Variants in CADPS observed in about 807,000 individuals in gnomAD.
The protein encoded by CADPS is calcium-dependent secretion activator 1.
In CADPS, 57 loss-of-function variants were observed where a neutral mutation model predicts 167.3. That is an observed-to-expected ratio of 0.34 (90% CI 0.28 to 0.42). The LOEUF is 0.42. Among genes scored for constraint, CADPS ranks in the 20% least tolerant of loss-of-function variants. CADPS has a pLI of 1.00. For missense variants in CADPS, 1,414 were observed against 1,738.1 expected (o/e 0.81, Z 3.32); for synonymous variants, 676 against 635.3 (o/e 1.06, Z -0.96).
chr3:62,592,475 T>C (rs561530505), intron 7 of CADPS, among the ~76,000 whole-genome samples, 162 bp downstream of exon 7: 1 of 152,276 alleles, frequency 6.6e-6, no homozygotes, highest in South Asian at 2.1e-4. Context: ...TTGAGGAACT[T>C]GCTTAAGGTC....
At chr3:62,806,877 G>T (rs1469521279) in intron 1 of CADPS, among the ~76,000 whole-genome samples, 1 of 152,144 alleles carries the variant, frequency 6.6e-6, no homozygotes, top group African/African-American at 2.4e-5. Flanking sequence ...CTCAGGCAAG[G>T]AATCTGCAAC....
chr3:62,655,974 C>G (rs1180869509), intron 4 of CADPS, among the ~76,000 whole-genome samples: 1 of 152,076 alleles, frequency 6.6e-6, no homozygotes, highest in East Asian at 1.9e-4. Flanking sequence ...AGGAACTCAT[C>G]CAGTCCATGA....
rs530690647 is a variant in CADPS at position 62,442,378 on chromosome 3, C to T, written c.3669+3387G>A. On this transcript the variant is annotated intron_variant, in intron 27 of 29. Coordinates refer to ENST00000383710, the MANE Select transcript of CADPS (RefSeq NM_003716.4). ...GATTACAGGTGCACGCCACCACACC[C>T]GGCTAATATTTTGTATTTTTAGTAG... 9.9e-5 allele frequency among the ~76,000 whole-genome samples: 15 copies of T among 152,112 alleles called. No homozygotes were observed. The East Asian group carries it at 2.3e-3, about 24-fold the overall frequency.
chr3:62,841,111 A>C (rs1266700067), intron 1 of CADPS, among the ~76,000 whole-genome samples: 1 of 152,162 alleles, frequency 6.6e-6, no homozygotes, highest in Non-Finnish European at 1.5e-5. Flanking sequence ...AACACGTTTT[A>C]TTCTTTAACA....
chr3:62,760,595 CCT>C (rs2085159549), intron 2 of CADPS, among the ~76,000 whole-genome samples: 1 of 152,084 alleles, frequency 6.6e-6, no homozygotes, highest in Non-Finnish European at 1.5e-5. Flanking sequence ...CCTGCCACCT[CCT>C]GCCTCCTCCT....
At chr3:62,706,190 T>C (rs2082278403) in intron 3 of CADPS, among the ~76,000 whole-genome samples, 1 of 152,152 alleles carries the variant, frequency 6.6e-6, no homozygotes, top group Non-Finnish European at 1.5e-5. Flanking sequence ...AGATAAAGAC[T>C]TGAATGGCAC....
intron 22 of CADPS, among the ~76,000 whole-genome samples, chr3:62,480,038 T>C (rs998838608): frequency 3.3e-5 from 5 of 150,562 alleles, no homozygotes; most frequent in African/African-American, 1.3e-4. Flanking sequence ...GGTTTCAGAG[T>C]TTCAAAAAAT....
intron 17 of CADPS, among the ~76,000 whole-genome samples, chr3:62,502,081 A>T (rs922799443): frequency 1.1e-4 from 16 of 152,208 alleles, no homozygotes; most frequent in Admixed American, 6.5e-5. Flanking sequence ...ATTTACTATT[A>T]ATTAGCTGTG....
chr3:62,729,232 C>T (rs2077296165), intron 3 of CADPS, among the ~76,000 whole-genome samples: 1 of 151,858 alleles, frequency 6.6e-6, no homozygotes, highest in African/African-American at 2.4e-5. Flanking sequence ...TGTTTGCAGA[C>T]AGATTTTACT....
Position 62,712,831 on chromosome 3 carries a change from T to C in CADPS, c.888+40610A>G, listed in dbSNP as rs537990962. The stretch of plus-strand genomic sequence containing the variant: ...TGAGACTTTGACAACTGGTCATAAA[T>C]TGTGCTCTAGGGCAGTCCTCTGACT... On this transcript the variant is annotated intron_variant, in intron 3 of 29. Coordinates refer to ENST00000383710, the MANE Select transcript of CADPS (RefSeq NM_003716.4). 1.8e-4 allele frequency among the ~76,000 whole-genome samples: 27 copies of C among 152,320 alleles called. 1 individual carries two copies. The highest frequency in any genetic ancestry group is 6.0e-4 in the African/African-American group (25 of 41,578).
chr3:62,570,936 T>G lies in CADPS; in HGVS notation c.1580A>C (p.Tyr527Ser). ...GACATTCTTACCGATGGCCCATAAA[T>G]ACCTAAGGGAAAGGAGAAAGACCAG... is the stretch of plus-strand genomic sequence containing the variant. ...DKPQNMKHSG[Y>S]LWAIGKNVWK... Residue 527 changes from tyrosine (Y) to serine (S), a missense_variant and splice_region_variant, in exon 9 of 30, where the codon TAT (tyrosine) becomes TCT (serine). By Grantham distance (144) the Tyr-to-Ser change is moderately radical (BLOSUM62 -2). Transcript: ENST00000383710. 6.3e-7 allele frequency: 1 copy of G among 1,597,716 alleles called. No homozygotes were observed. The highest frequency in any genetic ancestry group is 8.6e-7 in the Non-Finnish European group (1 of 1,164,894).
intron 6 of CADPS, among the ~76,000 whole-genome samples, chr3:62,605,456 C>CT (rs2060570283): frequency 6.6e-6 from 1 of 152,200 alleles, no homozygotes; most frequent in Non-Finnish European, 1.5e-5. Flanking sequence ...GTCTTCATGT[C>CT]TGTAAAGTGG....
At chr3:62,836,130 T>C (rs1306213934) in intron 1 of CADPS, among the ~76,000 whole-genome samples, 1 of 152,226 alleles carries the variant, frequency 6.6e-6, no homozygotes, top group Non-Finnish European at 1.5e-5. Flanking sequence ...CCCTTACTGA[T>C]GCCTGGGCTT....
At chr3:62,823,741 G>A (rs1480847173) in intron 1 of CADPS, among the ~76,000 whole-genome samples, 6 of 152,114 alleles carry the variant, frequency 3.9e-5, no homozygotes, top group African/African-American at 1.4e-4. Context: ...CACTGAATGA[G>A]GTAAGCCTTA....
chr3:62,648,424 ACAATC>A (rs1042233676), intron 5 of CADPS, among the ~76,000 whole-genome samples: 2 of 152,080 alleles, frequency 1.3e-5, no homozygotes, highest in African/African-American at 4.8e-5. Context: ...GTGCACATCT[ACAATC>A]CCAGCATTTT....
At chr3:62,864,657 A>G (rs1465265158) in intron 1 of CADPS, among the ~76,000 whole-genome samples, 3 of 152,174 alleles carry the variant, frequency 2.0e-5, no homozygotes, top group African/African-American at 7.2e-5. Flanking sequence ...TTATAAGGAC[A>G]TCAGTCATAA....
chr3:62,562,235 G>A (rs772198092), intron 9 of CADPS, among the ~76,000 whole-genome samples: 5 of 152,148 alleles, frequency 3.3e-5, no homozygotes, highest in African/African-American at 4.8e-5. Context: ...GGAGACTAAG[G>A]ACTATTTTTA....
rs146831679 is a variant in CADPS, at chr3:62,602,817, C to T, written c.1326-10069G>A. 2.0e-3 allele frequency among the ~76,000 whole-genome samples: 300 copies of T among 152,286 alleles called. 1 individual carries two copies. Among genetic ancestry groups the T allele is most frequent in the Middle Eastern group, 3.4e-3 (1 of 294 alleles). On this transcript the variant is annotated intron_variant, in intron 6 of 29. Coordinates refer to ENST00000383710, the MANE Select transcript of CADPS (RefSeq NM_003716.4). The surrounding 1 kb of genome is among the most constrained non-coding windows in gnomAD (Gnocchi z 4.4). ...AACCTCAGCTTGATCTCTTCTCCCT[C>T]ACATCTGTTCCTCTAAGGCTTCCCC...
intron 1 of CADPS, among the ~76,000 whole-genome samples, chr3:62,871,655 A>G (rs1009127789): frequency 6.6e-6 from 1 of 152,220 alleles, no homozygotes; most frequent in African/African-American, 2.4e-5. Context: ...GAGGATGGCA[A>G]TTTGTACATT....
Sources: allele counts gnomAD v4.1 joint callset (sites outside exome capture counted in the v4.1 genomes callset), GRCh38; gene constraint gnomAD v4.1.1; non-coding constraint Gnocchi (gnomAD v3.1); transcripts MANE v1.5; gene names NCBI Gene and HGNC (gene_info 2026-07-23, HGNC 2026-07-21).